Variants in KIF1B observed in about 807,000 individuals in gnomAD.
The protein encoded by KIF1B is kinesin-like protein KIF1B.
KIF1B carries 76 observed loss-of-function variants against 241.9 expected under a neutral mutation model. The ratio of observed to expected loss-of-function variants is 0.31; its 90% CI spans 0.26 to 0.38. The LOEUF is 0.38. Among genes scored for constraint, KIF1B ranks in the 10% least tolerant of loss-of-function variants. The pLI, the probability that KIF1B is intolerant of heterozygous loss-of-function variation, is 1.00. For missense variants in KIF1B, 1,622 were observed against 2,271.4 expected (o/e 0.71, Z 5.81); for synonymous variants, 750 against 796.7 (o/e 0.94, Z 0.99).
chr1:10,227,032 CTT>C (rs747870005), intron 1 of KIF1B, among the ~76,000 whole-genome samples: 22,137 of 110,374 alleles, frequency 0.2, 1,097 homozygotes, highest in Admixed American at 0.24. Context: ...GCAAGTCTCT[CTT>C]TTTTTTTTTT....
chr1:10,348,666 C>A lies in KIF1B; in HGVS notation c.3882C>A (p.Ile1294=). 6.2e-7 allele frequency: 1 copy of A among 1,614,024 alleles called. No homozygotes were observed. The highest frequency in any genetic ancestry group is 8.5e-7 in the Non-Finnish European group (1 of 1,179,922). ...TTACCTAGGGCATCCAGCGAAGGAT[C>A]ACAGTGACCATTATCCATGAGAAGG... ...FLLHQGIQRR[I]TVTIIHEKGS... is the part of the protein sequence containing the mutation. Residue 1294 remains isoleucine (I), a synonymous_variant, in exon 37 of 49, where the codon ATC becomes ATA. Coordinates refer to ENST00000676179, the MANE Select transcript of KIF1B (RefSeq NM_001365951.3).
intron 26 of KIF1B, among the ~76,000 whole-genome samples, 187 bp downstream of exon 26, chr1:10,325,082 A>AT (rs1228671429): frequency 1.3e-5 from 2 of 152,196 alleles, no homozygotes; most frequent in Non-Finnish European, 2.9e-5. Flanking sequence ...TTCAGCAGGC[A>AT]TTTTTGTTTC....
chr1:10,338,035 C>G (rs1652247022), intron 31 of KIF1B, among the ~76,000 whole-genome samples: 1 of 152,194 alleles, frequency 6.6e-6, no homozygotes, highest in Non-Finnish European at 1.5e-5. Flanking sequence ...AGGACTTGCT[C>G]TTTCCCGCGG....
intron 15 of KIF1B, among the ~76,000 whole-genome samples, chr1:10,284,653 C>G (rs149595372): frequency 0.019 from 2,843 of 152,046 alleles, 38 homozygotes; most frequent in Non-Finnish European, 0.028. Context: ...CCATTGCATT[C>G]CAGTCTGGGC....
chr1:10,319,999 A>G (rs1196348289), intron 22 of KIF1B, 44 bp from the exon 23 acceptor site: 1 of 1,312,596 alleles, frequency 7.6e-7, no homozygotes, highest in East Asian at 2.3e-5. Context: ...CTGCCCTCTT[A>G]TTTCTTCCCT....
rs568129154 is a variant in KIF1B, at chr1:10,279,024, C to T, written c.1181-73C>T. On this transcript the variant is annotated intron_variant, in intron 13 of 48. Coordinates refer to ENST00000676179, the MANE Select transcript of KIF1B (RefSeq NM_001365951.3). ...ATCTCCCCAAATGCCAAAAACTGCT[C>T]TGTTCCCTCTCTGTGTCACTGCTGA... The T allele has an allele frequency of 2.5e-5, 27 of 1,099,118 alleles. 1 individual carries two copies. Among genetic ancestry groups the T allele is most frequent in the Middle Eastern group, 4.0e-4 (2 of 4,968 alleles). 68.1% of individuals were successfully genotyped at this position (1,099,118 alleles called of 1,614,324 possible).
At chr1:10,279,954 C>T (rs759410559) in intron 14 of KIF1B, among the ~76,000 whole-genome samples, 4 of 151,992 alleles carry the variant, frequency 2.6e-5, no homozygotes, top group Non-Finnish European at 4.4e-5. Flanking sequence ...CCTCCTGCCT[C>T]GGCCTTCCAA....
chr1:10,232,472 C>G (rs1646995584), intron 2 of KIF1B, 38 bp downstream of exon 2: 1 of 1,403,560 alleles, frequency 7.1e-7, no homozygotes, highest in African/African-American at 1.4e-5. Context: ...GTGTATCTTA[C>G]TTTCCTTTCT....
intron 25 of KIF1B, 75 bp from the exon 26 acceptor site, chr1:10,324,683 G>A (rs556804384): frequency 3.8e-5 from 57 of 1,518,978 alleles, no homozygotes; most frequent in Admixed American, 5.1e-5. Flanking sequence ...AATCTTGAAC[G>A]GAAGATGCTT....
At chr1:10,254,164 G>A (rs1647624004) in intron 2 of KIF1B, among the ~76,000 whole-genome samples, 1 of 152,182 alleles carries the variant, frequency 6.6e-6, no homozygotes, top group Non-Finnish European at 1.5e-5. Flanking sequence ...GAAAGATTAA[G>A]CTTTAAAGCA....
intron 37 of KIF1B, among the ~76,000 whole-genome samples, chr1:10,351,820 T>G (rs1238475402): frequency 6.6e-6 from 1 of 151,794 alleles, no homozygotes; most frequent in Non-Finnish European, 1.5e-5. Flanking sequence ...TAAAATAAAA[T>G]AAAATAGCTG....
intron 2 of KIF1B, among the ~76,000 whole-genome samples, chr1:10,246,701 G>A (rs1229868103): frequency 1.3e-5 from 2 of 152,134 alleles, no homozygotes; most frequent in African/African-American, 4.8e-5. Flanking sequence ...CTGAGATCGT[G>A]CCACTGCACT....
At chr1:10,291,290 A>G (rs1471705910) in intron 16 of KIF1B, 129 bp downstream of exon 16, 2 of 669,478 alleles carry the variant, frequency 3.0e-6, no homozygotes, top group Non-Finnish European at 5.2e-6. Flanking sequence ...ACGAAACCAA[A>G]AAAATGGACA....
At chr1:10,364,703 C>T (rs554549916) in intron 41 of KIF1B, among the ~76,000 whole-genome samples, 3 of 152,062 alleles carry the variant, frequency 2.0e-5, no homozygotes, top group South Asian at 2.1e-4. Flanking sequence ...TAGTTTGCTA[C>T]GTATAAGAAT....
chr1:10,259,228 A>G (rs1647974317), intron 4 of KIF1B, among the ~76,000 whole-genome samples: 1 of 150,930 alleles, frequency 6.6e-6, no homozygotes, highest in Non-Finnish European at 1.5e-5. Context: ...AAGCGTTCTG[A>G]CATAGATATT....
At chr1:10,309,020 G>A (rs940585733) in intron 22 of KIF1B, among the ~76,000 whole-genome samples, 2 of 152,148 alleles carry the variant, frequency 1.3e-5, no homozygotes. Context: ...GAGTGACTCT[G>A]CAGGTTTTCT....
chr1:10,334,128 C>T lies in KIF1B; in HGVS notation c.2925-392C>T, dbSNP rs534242275. On this transcript the variant is annotated intron_variant, in intron 27 of 48. Coordinates refer to ENST00000676179, the MANE Select transcript of KIF1B (RefSeq NM_001365951.3). The stretch of plus-strand genomic sequence containing the variant: ...ATCGTGCCACTGTACTACAGCCTGG[C>T]GACAGAGCGAGACTCTGTCTCAAAA... Among the ~76,000 whole-genome samples the T allele has an allele frequency of 2.1e-4, 26 of 126,386 alleles. 1 individual carries two copies. The highest frequency in any genetic ancestry group is 2.1e-3 in the East Asian group (9 of 4,376). 82.9% of individuals were successfully genotyped at this position (126,386 alleles called of 152,430 possible).
chr1:10,283,332 A>C (rs980222352), intron 15 of KIF1B, among the ~76,000 whole-genome samples: 1 of 151,950 alleles, frequency 6.6e-6, no homozygotes, highest in African/African-American at 2.4e-5. Context: ...CCCTATGATT[A>C]CTGTACAGGA....
chr1:10,307,090 A>G, intron 22 of KIF1B: 1 of 1,036,532 alleles, frequency 9.6e-7, no homozygotes, highest in East Asian at 5.9e-5. Context: ...TGAAATATTT[A>G]GATAGCTAAA....
Sources: allele counts gnomAD v4.1 joint callset (sites outside exome capture counted in the v4.1 genomes callset), GRCh38; gene constraint gnomAD v4.1.1; transcripts MANE v1.5; gene names NCBI Gene and HGNC (gene_info 2026-07-23, HGNC 2026-07-21).